Variants in GAS7 observed in about 807,000 individuals in gnomAD.
GAS7 encodes the protein growth arrest specific 7.
A neutral mutation model predicts 71.1 loss-of-function variants in GAS7; 28 were observed. The observed-to-expected ratio is 0.39, with a 90% confidence interval of 0.29 to 0.54. The LOEUF (loss-of-function observed/expected upper bound fraction) is 0.54, where lower values mean the gene tolerates loss of function less well. GAS7 is among the 20% of genes least tolerant of loss of function. The probability of loss-of-function intolerance (pLI) is 0.62; values close to 1 mark genes in which losing one functional copy is unlikely to be tolerated. For missense variants in GAS7, 436 were observed against 627.8 expected, an observed-to-expected ratio of 0.69 and a Z score of 3.27; for synonymous variants, 258 against 245.8, an observed-to-expected ratio of 1.05 and a Z score of -0.46.
At chr17:10,160,089 A>AG (rs1185361425) in intron 1 of GAS7, among the ~76,000 whole-genome samples, 1 of 151,734 alleles carries the variant, frequency 6.6e-6, no homozygotes, top group African/African-American at 2.4e-5. Flanking sequence ...AATTTCTTGT[A>AG]GGGACAGGGT....
chr17:9,983,940 A>G lies in GAS7; in HGVS notation c.305-2056T>C, dbSNP rs915716484. On this transcript the variant is annotated intron_variant, in intron 2 of 13. Coordinates refer to ENST00000432992, the MANE Select transcript of GAS7 (RefSeq NM_201433.2). Reference sequence around the variant, plus strand: ...GAATCCAGCTCTGCCTCTCACCACCACTATCCTTGGCCAAGCTACTTATTC... The same window carrying G: ...GAATCCAGCTCTGCCTCTCACCACCGCTATCCTTGGCCAAGCTACTTATTC... 3.3e-5 allele frequency among the ~76,000 whole-genome samples: 5 copies of G among 152,272 alleles called. No individual in the cohort carries two copies. The East Asian group carries it at 5.8e-4, about 18-fold the overall frequency.
chr17:10,081,826 A>G (rs2073460119), intron 1 of GAS7, among the ~76,000 whole-genome samples: 1 of 152,244 alleles, frequency 6.6e-6, no homozygotes, highest in Non-Finnish European at 1.5e-5. Flanking sequence ...CTGCATTTGC[A>G]AAACCTCTCA....
intron 7 of GAS7, among the ~76,000 whole-genome samples, chr17:9,940,745 G>A (rs1247072186): frequency 6.6e-6 from 1 of 152,242 alleles, no homozygotes; most frequent in Admixed American, 6.5e-5. Context: ...GCCCAGGGCT[G>A]CAGGTAGATT....
At chr17:10,043,101 T>G (rs536031397) in intron 1 of GAS7, among the ~76,000 whole-genome samples, 1 of 152,126 alleles carries the variant, frequency 6.6e-6, no homozygotes, top group Non-Finnish European at 1.5e-5. Context: ...AGAAAGGACC[T>G]TGAGCTGAAC....
chr17:10,044,042 A>G (rs2072911322), intron 1 of GAS7, among the ~76,000 whole-genome samples: 1 of 152,228 alleles, frequency 6.6e-6, no homozygotes, highest in South Asian at 2.1e-4. Flanking sequence ...AACCTTTGAA[A>G]TGGTGGCAGC....
At chr17:10,172,294 C>T (rs1477414018) in intron 1 of GAS7, among the ~76,000 whole-genome samples, 1 of 152,194 alleles carries the variant, frequency 6.6e-6, no homozygotes, top group Non-Finnish European at 1.5e-5. Context: ...TCATCACCCA[C>T]CAGCCAGTGC....
At chr17:10,085,706 A>AAAAGAAAGAAAG (rs796340516) in intron 1 of GAS7, among the ~76,000 whole-genome samples, 35 of 134,868 alleles carry the variant, frequency 2.6e-4, no homozygotes, top group South Asian at 1.1e-3. Context: ...AAAAAAAAAA[A>AAAAGAAAGAAAG]AAAGAAAGAA....
At chr17:10,122,987 A>G (rs1363678386) in intron 1 of GAS7, among the ~76,000 whole-genome samples, 1 of 152,112 alleles carries the variant, frequency 6.6e-6, no homozygotes, top group African/African-American at 2.4e-5. Context: ...GCACACCACC[A>G]CGCCTGGCTG....
intron 1 of GAS7, among the ~76,000 whole-genome samples, chr17:10,190,529 A>G (rs9892158): frequency 0.8 from 119,862 of 150,270 alleles, 48,194 homozygotes; most frequent in African/African-American, 0.9. Context: ...GCAGTGAGCC[A>G]AGATCGTGCC....
intron 1 of GAS7, among the ~76,000 whole-genome samples, chr17:10,120,110 G>A (rs1202984132): frequency 1.6e-5 from 1 of 63,244 alleles, no homozygotes; most frequent in Non-Finnish European, 3.3e-5. Context: ...CCCTGCCCCC[G>A]CCCCGTGACA....
intron 9 of GAS7, among the ~76,000 whole-genome samples, chr17:9,927,483 A>AAAAAAC (rs531671795): frequency 6.9e-4 from 105 of 151,856 alleles, no homozygotes; most frequent in African/African-American, 2.5e-3. Flanking sequence ...TGGTCTCAAA[A>AAAAAAC]AAAAAAAACA....
chr17:10,145,299 C>T (rs999379138), intron 1 of GAS7, among the ~76,000 whole-genome samples: 4 of 152,178 alleles, frequency 2.6e-5, no homozygotes, highest in Admixed American at 2.0e-4. Flanking sequence ...CAGAGAAGCA[C>T]GGGGGAAAGT....
rs112320102 is a variant in GAS7 at position 10,188,245 on chromosome 17, G to GA, written c.183+9962dup. Among the ~76,000 whole-genome samples, 793 of 143,580 alleles carry GA rather than the reference G, an allele frequency of 5.5e-3. 10 individuals are homozygous for GA. Among genetic ancestry groups the GA allele is most frequent in the African/African-American group, 0.017 (661 of 39,220 alleles). 94.2% of individuals were successfully genotyped at this position (143,580 alleles called of 152,430 possible). A position where few individuals can be genotyped will look rare whatever the true frequency, so the allele number is the denominator to read the frequency against. On this transcript the variant is annotated intron_variant, in intron 1 of 13. Coordinates refer to ENST00000432992, the MANE Select transcript of GAS7 (RefSeq NM_201433.2). ...GTGACAGAGCAAGACTCCACCTCAA[G>GA]AAAAAAAAAAAATCCATTTCAATAT...
chr17:10,128,652 T>C (rs938574986), intron 1 of GAS7, among the ~76,000 whole-genome samples: 3 of 150,588 alleles, frequency 2.0e-5, no homozygotes, highest in African/African-American at 7.3e-5. Flanking sequence ...TTTTTTGAGA[T>C]AGAGTCACCC....
intron 1 of GAS7, among the ~76,000 whole-genome samples, chr17:10,076,275 G>A (rs1343777530): frequency 1.5e-5 from 1 of 68,360 alleles, no homozygotes; most frequent in Non-Finnish European, 2.9e-5. Flanking sequence ...GAGGGGAGAC[G>A]GGGAGAGGGG....
At position 9,919,775 on chromosome 17, in the gene GAS7, C is replaced by A. The variant is rs2067728257; in HGVS notation, c.1139-70G>T. The A allele has an allele frequency of 2.6e-6, 3 of 1,163,510 alleles. No homozygotes were observed. The highest frequency in any genetic ancestry group is 3.9e-6 in the Non-Finnish European group (3 of 771,498). The allele number at this position is 1,163,510 out of a possible 1,614,324, so 72.1% of individuals were successfully genotyped here. On this transcript the variant is annotated intron_variant, in intron 11 of 13. Transcript: ENST00000432992. The surrounding 1 kb of genome is among the most constrained non-coding windows in gnomAD (Gnocchi z 5.0). ...CCATGACTCTGTGCCCCACCCTGAGCCCCACAGCCAAGCCTTCTCCTCCCC... is the reference window on the plus strand; with the variant it reads ...CCATGACTCTGTGCCCCACCCTGAGACCCACAGCCAAGCCTTCTCCTCCCC...
chr17:10,051,600 C>A (rs758049944), intron 1 of GAS7, among the ~76,000 whole-genome samples: 1 of 152,174 alleles, frequency 6.6e-6, no homozygotes, highest in Admixed American at 6.5e-5. Context: ...AGAACACACG[C>A]AAGTCCACGA....
intron 6 of GAS7, among the ~76,000 whole-genome samples, chr17:9,944,734 T>C (rs996123229): frequency 6.6e-6 from 1 of 152,112 alleles, no homozygotes; most frequent in Non-Finnish European, 1.5e-5. Flanking sequence ...GTTCTTGCAG[T>C]TTAAAAGCAA....
At position 9,959,327 on chromosome 17, in the gene GAS7, C is replaced by T. The variant is rs746254328; in HGVS notation, c.472-72G>A. On this transcript the variant is annotated intron_variant, in intron 4 of 13. Transcript: ENST00000432992. This position sits in a 1 kb window ranked among gnomAD's most constrained non-coding sequence, Gnocchi z 5.0. The stretch of plus-strand genomic sequence containing the variant: ...GACATTTTTTCCCCCCATTCAGGTT[C>T]CCTGAGGGTGGAGGCGCTGGGGAAT... The T allele has an allele frequency of 6.2e-7, 1 of 1,607,850 alleles. No homozygotes were observed.
Sources: gnomAD v4.1 joint callset for allele counts (sites outside exome capture counted in the v4.1 genomes callset) on GRCh38, gnomAD v4.1.1 for gene constraint, Gnocchi (gnomAD v3.1) non-coding constraint, MANE v1.5 for transcripts, NCBI Gene and HGNC (gene_info 2026-07-23, HGNC 2026-07-21) for gene names.